The following DYNC1LI2 variants were observed in gnomAD, a reference collection of about 807,000 sequenced individuals.
DYNC1LI2 encodes the protein dynein cytoplasmic 1 light intermediate chain 2.
In DYNC1LI2, 19 loss-of-function variants were observed where a neutral mutation model predicts 57.8. That is an observed-to-expected ratio of 0.33 (90% confidence interval 0.23 to 0.48). The LOEUF (loss-of-function observed/expected upper bound fraction) is 0.48, where lower values mean the gene tolerates loss of function less well. DYNC1LI2 is among the 20% of genes least tolerant of loss of function. The pLI is 0.99. For missense variants in DYNC1LI2, 470 were observed against 604.2 expected (o/e 0.78, Z 2.33); for synonymous variants, 256 against 233.4 (o/e 1.10, Z -0.88).
At chr16:66,725,489 A>G (rs1034502276) in intron 12 of DYNC1LI2, among the ~76,000 whole-genome samples, 5 of 152,254 alleles carry the variant, frequency 3.3e-5, no homozygotes, top group African/African-American at 1.2e-4. Flanking sequence ...AAAAAGAAAA[A>G]AAAAGTCACT....
At chr16:66,733,054 A>G (rs1567451135) in intron 6 of DYNC1LI2, 1 of 152,284 alleles carries the variant, frequency 6.6e-6, no homozygotes, top group African/African-American at 2.4e-5. Context: ...AGGACTCAAA[A>G]GACTACAGAC....
intron 4 of DYNC1LI2, among the ~76,000 whole-genome samples, chr16:66,740,028 T>G (rs2017808636): frequency 2.6e-5 from 4 of 152,180 alleles, no homozygotes; most frequent in Admixed American, 2.6e-4. Context: ...CTACCTCATT[T>G]ATTGGTTTCA....
At chr16:66,741,045 T>C (rs2017827436) in intron 4 of DYNC1LI2, among the ~76,000 whole-genome samples, 1 of 152,218 alleles carries the variant, frequency 6.6e-6, no homozygotes, top group East Asian at 1.9e-4. Flanking sequence ...TTATTTACTG[T>C]GTCTCCAGCA....
At chr16:66,735,971 C>T (rs1052036547) in intron 5 of DYNC1LI2, 104 bp downstream of exon 5, 4 of 1,448,494 alleles carry the variant, frequency 2.8e-6, no homozygotes, top group African/African-American at 1.4e-5. Flanking sequence ...CTCAAATAAG[C>T]CCAAGTCTCC....
intron 4 of DYNC1LI2, among the ~76,000 whole-genome samples, chr16:66,740,878 G>A (rs1399166178): frequency 6.6e-6 from 1 of 152,162 alleles, no homozygotes; most frequent in East Asian, 1.9e-4. Context: ...TCATTTACAG[G>A]AGAGAAATAA....
intron 4 of DYNC1LI2, among the ~76,000 whole-genome samples, chr16:66,742,033 A>G (rs1331986842): frequency 6.6e-6 from 1 of 152,102 alleles, no homozygotes; most frequent in Non-Finnish European, 1.5e-5. Flanking sequence ...ACGAGGGTCC[A>G]TAGGGCCTTA....
intron 4 of DYNC1LI2, among the ~76,000 whole-genome samples, chr16:66,739,782 G>T (rs910103336): frequency 6.6e-6 from 1 of 152,228 alleles, no homozygotes; most frequent in African/African-American, 2.4e-5. Flanking sequence ...CATAACATGA[G>T]TGAAAAGGCA....
intron 3 of DYNC1LI2, among the ~76,000 whole-genome samples, chr16:66,748,601 C>G (rs2017983097): frequency 6.6e-6 from 1 of 152,050 alleles, no homozygotes; most frequent in African/African-American, 2.4e-5. Context: ...GAGACGGTCT[C>G]GCTCTGTCAC....
intron 11 of DYNC1LI2, among the ~76,000 whole-genome samples, chr16:66,726,668 G>A (rs1221597038): frequency 6.6e-6 from 1 of 152,160 alleles, no homozygotes; most frequent in Non-Finnish European, 1.5e-5. Context: ...TTGAAATGGA[G>A]TCTTGCTCTG....
At chr16:66,743,486 G>A (rs1399440554) in intron 3 of DYNC1LI2, among the ~76,000 whole-genome samples, 3 of 147,256 alleles carry the variant, frequency 2.0e-5, no homozygotes, top group East Asian at 2.1e-4. Flanking sequence ...ACTTGAACCC[G>A]GGAGGCAGAT....
At position 66,742,642 on chromosome 16, in the gene DYNC1LI2, G is replaced by A; in HGVS notation, c.325C>T (p.Leu109=). 1 of 1,614,180 alleles carries A rather than the reference G, an allele frequency of 6.2e-7. No individual in the cohort carries two copies. The highest frequency in any genetic ancestry group is 8.5e-7 in the Non-Finnish European group (1 of 1,180,034). ...DDHTRCNVWI[L]DGDLYHKGLL... ...CCTTTGTGGTACAAGTCTCCATCCA[G>A]AATCCACACGTTGCAGCGCGTGTGA... The change falls in exon 4 of 13, where the codon CTG becomes TTG. Residue 109 remains leucine (L), a synonymous_variant. Transcript: ENST00000258198.
intron 7 of DYNC1LI2, 197 bp from the exon 8 acceptor site, chr16:66,730,420 C>G: frequency 2.0e-6 from 1 of 502,124 alleles, no homozygotes; most frequent in Non-Finnish European, 3.5e-6. Flanking sequence ...AGGTCCTGCT[C>G]CATACTGAGT....
At chr16:66,727,850 CA>C in intron 10 of DYNC1LI2, 45 bp from the exon 11 acceptor site, 2 of 1,492,206 alleles carry the variant, frequency 1.3e-6, no homozygotes, top group Non-Finnish European at 9.2e-7. Context: ...ATAACAATAA[CA>C]AAAAATACAT....
Position 66,751,389 on chromosome 16 carries a change from G to C in DYNC1LI2, c.108-43C>G. On this transcript the variant is annotated intron_variant, in intron 1 of 12. Coordinates refer to ENST00000258198, the MANE Select transcript of DYNC1LI2 (RefSeq NM_006141.3). This position sits in a 1 kb window ranked among gnomAD's most constrained non-coding sequence, Gnocchi z 5.2. ...AGAGTGGTCAGCCCCGGGCCGGGCT[G>C]GGATGGCCCGGCTCGCGTCGGCCCC... The C allele has an allele frequency of 6.2e-7, 1 of 1,600,598 alleles. No individual in the cohort carries two copies. The highest frequency in any genetic ancestry group is 8.5e-7 in the Non-Finnish European group (1 of 1,174,746).
At chr16:66,729,765 A>G (rs1177642696) in intron 8 of DYNC1LI2, among the ~76,000 whole-genome samples, 2 of 151,064 alleles carry the variant, frequency 1.3e-5, no homozygotes, top group Admixed American at 1.3e-4. Flanking sequence ...TTTGCATTAA[A>G]AAACACCTAA....
Position 66,723,483 on chromosome 16 carries a change from CA to C in DYNC1LI2, c.*238del, listed in dbSNP as rs1460201788. The C allele has an allele frequency of 5.0e-6, 3 of 603,444 alleles. No individual in the cohort carries two copies. Among genetic ancestry groups the C allele is most frequent in the Admixed American group, 4.3e-5 (2 of 46,954 alleles). The allele number at this position is 603,444 out of a possible 1,614,324, so 37.4% of individuals were successfully genotyped here. A position where few individuals can be genotyped will look rare whatever the true frequency, so the allele number is the denominator to read the frequency against. On this transcript the variant is annotated 3_prime_UTR_variant, in exon 13 of 13. Transcript: ENST00000258198. ...GAAGCCCAGATGTGCTTGCCTCCCA[CA>C]AAAGAGCCACATGCCCCAGAGTCCA...
At chr16:66,725,981 A>C in intron 11 of DYNC1LI2, 37 bp from the exon 12 acceptor site, 1 of 1,597,044 alleles carries the variant, frequency 6.3e-7, no homozygotes, top group Non-Finnish European at 8.5e-7. Flanking sequence ...GCATCATATA[A>C]ACTGGAAGAC....
intron 4 of DYNC1LI2, among the ~76,000 whole-genome samples, chr16:66,741,776 C>T (rs1393513027): frequency 6.6e-6 from 1 of 151,172 alleles, no homozygotes; most frequent in East Asian, 1.9e-4. Flanking sequence ...AAAGGAAAAA[C>T]AAGCTTCTGA....
At position 66,729,061 on chromosome 16, in the gene DYNC1LI2, C is replaced by T; in HGVS notation, c.1080G>A (p.Gln360=). The change falls in exon 9 of 13, where the codon CAG becomes CAA. Residue 360 remains glutamine, a synonymous_variant. Coordinates refer to ENST00000258198, the MANE Select transcript of DYNC1LI2 (RefSeq NM_006141.3). ...HDKELAAEDE[Q]VFLMKQQSLL... is the part of the protein sequence containing the mutation. ...TTACCTGTTGCTTCATTAGGAACAC[C>T]TGCTCATCTTCTGCTGCCAACTCTT... is the stretch of plus-strand genomic sequence containing the variant. 6.2e-7 allele frequency: 1 copy of T among 1,614,202 alleles called. No homozygotes were observed. The highest frequency in any genetic ancestry group is 8.5e-7 in the Non-Finnish European group (1 of 1,180,042).
Sources: allele counts gnomAD v4.1 joint callset (sites outside exome capture counted in the v4.1 genomes callset), GRCh38; gene constraint gnomAD v4.1.1; non-coding constraint Gnocchi (gnomAD v3.1); transcripts MANE v1.5; gene names NCBI Gene and HGNC (gene_info 2026-07-23, HGNC 2026-07-21).